The following SNTB1 variants were observed in gnomAD, a reference collection of about 807,000 sequenced individuals.
SNTB1 encodes the protein beta-1-syntrophin.
A neutral mutation model predicts 48.9 loss-of-function variants in SNTB1; 36 were observed. The observed-to-expected ratio is 0.74, with a 90% CI of 0.56 to 0.97. The LOEUF (loss-of-function observed/expected upper bound fraction) is 0.97, where lower values mean the gene tolerates loss of function less well. Ranked by LOEUF, SNTB1 falls within the 50% of genes least tolerant of loss-of-function variation. SNTB1 has a pLI of 0.00. For missense variants in SNTB1, 786 were observed against 703.4 expected, an observed-to-expected ratio of 1.12 and a Z score of -1.33; for synonymous variants, 299 against 294.6, an observed-to-expected ratio of 1.01 and a Z score of -0.15.
intron 1 of SNTB1, among the ~76,000 whole-genome samples, chr8:120,770,103 A>G (rs1399127140): frequency 6.6e-6 from 1 of 152,180 alleles, no homozygotes. Context: ...TGTCTTTTCT[A>G]TCAGGAAATG....
intron 2 of SNTB1, among the ~76,000 whole-genome samples, chr8:120,661,231 G>A (rs1426622092): frequency 6.6e-6 from 1 of 151,248 alleles, no homozygotes; most frequent in Non-Finnish European, 1.5e-5. Flanking sequence ...GTACAATAAA[G>A]CAAAGTGCAA....
intron 1 of SNTB1, among the ~76,000 whole-genome samples, chr8:120,804,716 A>T (rs1350548741): frequency 1.3e-5 from 2 of 152,098 alleles, no homozygotes; most frequent in Non-Finnish European, 2.9e-5. Flanking sequence ...ATTCTGTAAT[A>T]CGCCCCCCCA....
intron 2 of SNTB1, chr8:120,637,832 G>A (rs1429965485): frequency 3.5e-6 from 1 of 286,608 alleles, no homozygotes; most frequent in Non-Finnish European, 7.1e-6. Context: ...TCTTGCAAAA[G>A]GTTTCTTTTG....
intron 4 of SNTB1, among the ~76,000 whole-genome samples, chr8:120,569,646 C>T (rs902807468): frequency 3.9e-5 from 6 of 152,182 alleles, no homozygotes; most frequent in Non-Finnish European, 7.3e-5. Context: ...TTGCCTGAGT[C>T]GGGACAAACT....
intron 1 of SNTB1, among the ~76,000 whole-genome samples, chr8:120,704,447 C>T (rs1274709402): frequency 1.4e-5 from 2 of 141,934 alleles, no homozygotes; most frequent in African/African-American, 5.7e-5. Flanking sequence ...AAGAACGAGA[C>T]TTTGTGTCAA....
chr8:120,636,965 T>A (rs1262211964), intron 2 of SNTB1: 1 of 293,868 alleles, frequency 3.4e-6, no homozygotes, highest in Admixed American at 4.0e-5. Context: ...TGTCATGTAC[T>A]GTTAAGGCCT....
intron 3 of SNTB1, among the ~76,000 whole-genome samples, chr8:120,609,613 C>A (rs1816586861): frequency 1.3e-5 from 2 of 152,094 alleles, no homozygotes; most frequent in South Asian, 4.1e-4. Flanking sequence ...AATTTGTAAT[C>A]ACATTGAAAA....
intron 3 of SNTB1, among the ~76,000 whole-genome samples, chr8:120,593,751 C>T (rs1816279729): frequency 6.6e-6 from 1 of 152,130 alleles, no homozygotes; most frequent in African/African-American, 2.4e-5. Context: ...GGGGAGATGG[C>T]ACATTGGACA....
intron 3 of SNTB1, among the ~76,000 whole-genome samples, chr8:120,620,077 AGT>A (rs142090231): frequency 2.6e-5 from 4 of 152,008 alleles, no homozygotes; most frequent in Admixed American, 6.5e-5. Context: ...AATAGAAGAA[AGT>A]GTGTGTGTGT....
At chr8:120,576,368 G>A (rs902342438) in intron 3 of SNTB1, among the ~76,000 whole-genome samples, 4 of 152,156 alleles carry the variant, frequency 2.6e-5, no homozygotes, top group Non-Finnish European at 5.9e-5. Flanking sequence ...TCCCTTTCTA[G>A]TCTTATTATT....
chr8:120,564,661 C>G (rs1452393461), intron 4 of SNTB1, among the ~76,000 whole-genome samples: 1 of 149,598 alleles, frequency 6.7e-6, no homozygotes, highest in Non-Finnish European at 1.5e-5. Flanking sequence ...CTCCGCCTCC[C>G]AGGTTCAGGT....
At chr8:120,717,695 T>A (rs1216933120) in intron 1 of SNTB1, among the ~76,000 whole-genome samples, 1 of 152,038 alleles carries the variant, frequency 6.6e-6, no homozygotes, top group Non-Finnish European at 1.5e-5. Flanking sequence ...TGGCCAAGAA[T>A]GATGTGCAGA....
chr8:120,626,033 G>A (rs1045243596), intron 3 of SNTB1, among the ~76,000 whole-genome samples: 2 of 152,116 alleles, frequency 1.3e-5, no homozygotes, highest in Non-Finnish European at 2.9e-5. Flanking sequence ...ACTAGGGCCA[G>A]GGCTATTTTA....
intron 1 of SNTB1, among the ~76,000 whole-genome samples, chr8:120,743,956 T>C (rs1181766638): frequency 6.6e-6 from 1 of 152,150 alleles, no homozygotes; most frequent in Non-Finnish European, 1.5e-5. Context: ...TAGTATACTT[T>C]GTCTCTACAC....
At chr8:120,549,464 T>C (rs1039100491) in intron 4 of SNTB1, among the ~76,000 whole-genome samples, 14 of 152,176 alleles carry the variant, frequency 9.2e-5, no homozygotes, top group Admixed American at 3.3e-4. Flanking sequence ...TGAAACTCAG[T>C]TGAAGCAATA....
chr8:120,621,722 A>G (rs187010589), intron 3 of SNTB1, among the ~76,000 whole-genome samples: 1 of 152,264 alleles, frequency 6.6e-6, no homozygotes, highest in Admixed American at 6.5e-5. Context: ...AGCTTGGTCA[A>G]TGGGTCACCG....
intron 3 of SNTB1, among the ~76,000 whole-genome samples, chr8:120,614,931 G>A (rs1315844611): frequency 7.2e-6 from 1 of 138,942 alleles, no homozygotes; most frequent in Non-Finnish European, 1.5e-5. Flanking sequence ...ACGAGGTCAG[G>A]AGATTGAAAC....
At chr8:120,550,131 A>T (rs2130653336) in intron 4 of SNTB1, among the ~76,000 whole-genome samples, 1 of 152,364 alleles carries the variant, frequency 6.6e-6, no homozygotes, top group Admixed American at 6.5e-5. Context: ...AGCTTGTTGT[A>T]TAACTTGGAG....
chr8:120,656,496 A>G (rs758759436), intron 2 of SNTB1, among the ~76,000 whole-genome samples: 39 of 152,214 alleles, frequency 2.6e-4, no homozygotes, highest in Non-Finnish European at 4.8e-4. Context: ...TTTTCTCACT[A>G]TGCATATCAT....
Sources: allele counts gnomAD v4.1 joint callset (sites outside exome capture counted in the v4.1 genomes callset), GRCh38; gene constraint gnomAD v4.1.1; transcripts MANE v1.5; gene names NCBI Gene and HGNC (gene_info 2026-07-23, HGNC 2026-07-21).